Variants in E2F7 observed in about 807,000 individuals in gnomAD.
E2F7 encodes the protein transcription factor E2F7.
Under a neutral mutation model 81.1 loss-of-function variants are expected in E2F7, and 35 were observed. The ratio of observed to expected loss-of-function variants is 0.43; its 90% CI spans 0.33 to 0.57. E2F7 has a LOEUF of 0.57. Ranked by LOEUF, E2F7 falls within the 20% of genes least tolerant of loss-of-function variation. The pLI is 0.04. For missense variants in E2F7, 961 were observed against 1,093.7 expected (o/e 0.88, Z 1.71); for synonymous variants, 416 against 416.2 (o/e 1.00, Z 0.01).
intron 5 of E2F7, among the ~76,000 whole-genome samples, chr12:77,045,437 G>A (rs1954932090): frequency 6.6e-6 from 1 of 152,204 alleles, no homozygotes; most frequent in African/African-American, 2.4e-5. Context: ...TAACTCTAAT[G>A]AAAACCAGGC....
chr12:77,027,764 A>G, intron 11 of E2F7, 119 bp downstream of exon 11: 1 of 1,374,278 alleles, frequency 7.3e-7, no homozygotes, highest in Non-Finnish European at 9.8e-7. Context: ...GGCTAAGAGT[A>G]AAATGACTCA....
At chr12:77,059,131 T>C (rs310795) in intron 2 of E2F7, among the ~76,000 whole-genome samples, 128,311 of 152,158 alleles carry the variant, frequency 0.84, 54,933 homozygotes, top group East Asian at 1. Flanking sequence ...TCTTCATATA[T>C]TTTGATATAT....
At chr12:77,064,081 T>C (rs551598521) in intron 2 of E2F7, among the ~76,000 whole-genome samples, 1 of 152,346 alleles carries the variant, frequency 6.6e-6, no homozygotes, top group East Asian at 1.9e-4. Context: ...TATCTCCCTA[T>C]ATAGTAGGCA....
intron 2 of E2F7, among the ~76,000 whole-genome samples, chr12:77,063,382 AAG>A (rs1835999751): frequency 6.6e-6 from 1 of 152,212 alleles, no homozygotes; most frequent in Admixed American, 6.5e-5. Context: ...TAAAGAATGA[AAG>A]AGAAATTCAT....
intron 2 of E2F7, among the ~76,000 whole-genome samples, chr12:77,058,739 C>A (rs765893906): frequency 2.0e-5 from 3 of 152,144 alleles, no homozygotes; most frequent in Non-Finnish European, 2.9e-5. Context: ...ATATAGTGAG[C>A]GCTCGATAAA....
At chr12:77,026,026 T>C (rs771995886) in intron 11 of E2F7, 44 bp from the exon 12 acceptor site, 3 of 1,540,326 alleles carry the variant, frequency 1.9e-6, no homozygotes, top group Non-Finnish European at 2.6e-6. Flanking sequence ...TATGTCATCA[T>C]GAGGATATCA....
intron 2 of E2F7, 73 bp from the exon 3 acceptor site, chr12:77,056,203 C>T (rs1429893515): frequency 2.1e-6 from 3 of 1,420,454 alleles, no homozygotes; most frequent in Admixed American, 2.3e-5. Flanking sequence ...TTTGTTCCCA[C>T]CATTCACTAA....
rs527448469 is a variant in E2F7 at position 77,032,117 on chromosome 12, C to T, written c.1382+933G>A. ...AGCTCTGCCCTACAGCAGACCAGAA[C>T]GACTACAAATGCTCTGTTCTGTGGC... On this transcript the variant is annotated intron_variant, in intron 9 of 12. Coordinates refer to ENST00000322886, the MANE Select transcript of E2F7 (RefSeq NM_203394.3). Among the ~76,000 whole-genome samples the T allele has an allele frequency of 3.3e-5, 5 of 152,344 alleles. No homozygotes were observed. The South Asian group carries it at 8.3e-4, about 25-fold the overall frequency.
rs554068383 is a variant in E2F7 at position 77,024,809 on chromosome 12, C to T, written c.2566-624G>A. On this transcript the variant is annotated intron_variant, in intron 12 of 12. Coordinates refer to ENST00000322886, the MANE Select transcript of E2F7 (RefSeq NM_203394.3). ...TGTTTCAAACCTAACATGTTCATTT[C>T]AATGTCTCGCAAACTTTTGAGCCTC... 1.8e-4 allele frequency among the ~76,000 whole-genome samples: 28 copies of T among 152,294 alleles called. No homozygotes were observed. In the East Asian group the frequency reaches 5.4e-3, roughly 29 times the overall value.
chr12:77,037,902 G>A (rs7309536), intron 7 of E2F7, among the ~76,000 whole-genome samples: 6,183 of 151,998 alleles, frequency 0.041, 268 homozygotes, highest in East Asian at 0.12. Context: ...ACTATATACT[G>A]CCCACCAGAC....
intron 5 of E2F7, among the ~76,000 whole-genome samples, chr12:77,045,038 T>C (rs1954927235): frequency 6.6e-6 from 1 of 152,218 alleles, no homozygotes; most frequent in Admixed American, 6.5e-5. Flanking sequence ...TTTAAACCAC[T>C]CAATGCTTTA....
At chr12:77,050,795 A>T in intron 3 of E2F7, 51 bp from the exon 4 acceptor site, 1 of 1,581,840 alleles carries the variant, frequency 6.3e-7, no homozygotes, top group South Asian at 1.1e-5. Context: ...TTAACATCCT[A>T]ATGGAGAAAT....
chr12:77,027,805 GAC>G (rs1954771486), intron 11 of E2F7, 76 bp downstream of exon 11: 2 of 1,559,716 alleles, frequency 1.3e-6, no homozygotes, highest in Admixed American at 3.7e-5. Context: ...TGGGTCAGGT[GAC>G]ACAGACAAAA....
intron 4 of E2F7, among the ~76,000 whole-genome samples, chr12:77,050,306 G>GTAA (rs1187132847): frequency 2.0e-5 from 3 of 152,146 alleles, no homozygotes; most frequent in Admixed American, 6.5e-5. Context: ...AATTTGTAAT[G>GTAA]TAACTCTATT....
intron 7 of E2F7, among the ~76,000 whole-genome samples, chr12:77,039,058 T>C (rs764293386): frequency 3.3e-5 from 5 of 152,152 alleles, no homozygotes; most frequent in Non-Finnish European, 5.9e-5. Flanking sequence ...TCCAGAAACA[T>C]TACCATACAT....
rs770072861 is a variant in E2F7 at position 77,044,814 on chromosome 12, A to G, written c.830-19T>C. 1 of 1,611,134 alleles carries G rather than the reference A, an allele frequency of 6.2e-7. No homozygotes were observed. Among genetic ancestry groups the G allele is most frequent in the East Asian group, 2.2e-5 (1 of 44,864 alleles). On this transcript the variant is annotated intron_variant, in intron 5 of 12. Transcript: ENST00000322886. ...GCAGATGCTACACAAGGAATGAAAC[A>G]AAAGCATCAAAGTATATGATTTTCT...
intron 4 of E2F7, among the ~76,000 whole-genome samples, chr12:77,049,648 C>T (rs1954970500): frequency 6.6e-6 from 1 of 152,204 alleles, no homozygotes; most frequent in African/African-American, 2.4e-5. Flanking sequence ...TCATAACCCA[C>T]TGTCTCTTCT....
chr12:77,025,243 T>G (rs1340163870), intron 12 of E2F7, among the ~76,000 whole-genome samples: 1 of 152,190 alleles, frequency 6.6e-6, no homozygotes, highest in East Asian at 1.9e-4. Flanking sequence ...AAATAAAAGC[T>G]TGAAGATCAC....
At chr12:77,030,461 G>T in intron 9 of E2F7, 129 bp from the exon 10 acceptor site, 1 of 1,174,452 alleles carries the variant, frequency 8.5e-7, no homozygotes, top group South Asian at 1.7e-5. Context: ...AAGCGCACTT[G>T]CTGAGCACGT....
Sources: gnomAD v4.1 joint callset for allele counts (sites outside exome capture counted in the v4.1 genomes callset) on GRCh38, gnomAD v4.1.1 for gene constraint, MANE v1.5 for transcripts, NCBI Gene and HGNC (gene_info 2026-07-23, HGNC 2026-07-21) for gene names.